The following ADGRV1 variants were observed in gnomAD, a reference collection of about 807,000 sequenced individuals.
ADGRV1 encodes the protein G-protein coupled receptor 98.
Under a neutral mutation model 596.2 loss-of-function variants are expected in ADGRV1, and 359 were observed. The ratio of observed to expected loss-of-function variants is 0.60; its 90% CI spans 0.55 to 0.66. The LOEUF (loss-of-function observed/expected upper bound fraction) is 0.66. Among genes scored for constraint, ADGRV1 ranks in the 30% least tolerant of loss-of-function variants. The probability of loss-of-function intolerance (pLI) is 0.00; values close to 1 mark genes in which losing one functional copy is unlikely to be tolerated. For missense variants in ADGRV1, 7,274 were observed against 7,575.6 expected (o/e 0.96, Z 1.48); for synonymous variants, 2,681 against 2,679.2 (o/e 1.00, Z -0.02).
rs147787954 is a variant in ADGRV1, at chr5:90,767,942, A to G, written c.12285+4473A>G. 4.6e-3 allele frequency among the ~76,000 whole-genome samples: 700 copies of G among 152,330 alleles called. 7 individuals are homozygous for G. The highest frequency in any genetic ancestry group is 0.016 in the African/African-American group (662 of 41,582). Reference sequence around the variant, plus strand: ...TCTGACACATGATGACTCATGAAACATCTAGGTTGTGTGCCCTAGCCATGA... The same window carrying G: ...TCTGACACATGATGACTCATGAAACGTCTAGGTTGTGTGCCCTAGCCATGA... On this transcript the variant is annotated intron_variant, in intron 59 of 89. Transcript: ENST00000405460.
chr5:90,660,779 A>G (rs944563106), intron 21 of ADGRV1, among the ~76,000 whole-genome samples: 3 of 152,214 alleles, frequency 2.0e-5, no homozygotes, highest in African/African-American at 7.2e-5. Context: ...TACCTTTTTC[A>G]TAGATTAATA....
At chr5:90,802,190 G>GT (rs987382650) in intron 70 of ADGRV1, among the ~76,000 whole-genome samples, 23 of 151,858 alleles carry the variant, frequency 1.5e-4, no homozygotes, top group East Asian at 3.9e-4. Context: ...GAAAATTTGT[G>GT]TTTTTTTTGT....
intron 86 of ADGRV1, among the ~76,000 whole-genome samples, chr5:91,089,370 A>G (rs1433982963): frequency 6.6e-6 from 1 of 152,162 alleles, no homozygotes; most frequent in Non-Finnish European, 1.5e-5. Flanking sequence ...ATTAATAGAG[A>G]GTCAAAGGAT....
Position 90,907,539 on chromosome 5 carries a change from T to C in ADGRV1, c.17856+43682T>C, listed in dbSNP as rs560529334. Among the ~76,000 whole-genome samples the C allele has an allele frequency of 5.3e-5, 8 of 151,770 alleles. No individual in the cohort carries two copies. In the East Asian group the frequency reaches 7.8e-4, roughly 15 times the overall value. On this transcript the variant is annotated intron_variant, in intron 83 of 89. Transcript: ENST00000405460. ...CCTTCTTCCTGCCCCACCCCTCATATGTTAGTTTGTCTCATATCTTTTTCC... is the reference window on the plus strand; with the variant it reads ...CCTTCTTCCTGCCCCACCCCTCATACGTTAGTTTGTCTCATATCTTTTTCC...
At chr5:90,759,614 C>T (rs201540382) in intron 58 of ADGRV1, 26 bp downstream of exon 58, 98 of 1,594,556 alleles carry the variant, frequency 6.1e-5, no homozygotes, top group Non-Finnish European at 7.6e-5. Flanking sequence ...CAGGGGAAAG[C>T]CTTGTTTCAG....
chr5:90,559,017 G>A, intron 1 of ADGRV1, 100 bp downstream of exon 1: 1 of 1,128,816 alleles, frequency 8.9e-7, no homozygotes, highest in Non-Finnish European at 1.2e-6. Flanking sequence ...CGAGGGCGGC[G>A]CGGAGGGCGG....
rs1218127072 is a variant in ADGRV1 at position 91,164,178 on chromosome 5, G to A, written c.*278G>A. On this transcript the variant is annotated 3_prime_UTR_variant, in exon 90 of 90. Coordinates refer to ENST00000405460, the MANE Select transcript of ADGRV1 (RefSeq NM_032119.4). ...TTAATCATCCTATATGGCTAACATT[G>A]TTTAATGAAAGTAATAATCAATAAA... The A allele has an allele frequency of 6.7e-6, 3 of 446,812 alleles. No individual in the cohort carries two copies. Among genetic ancestry groups the A allele is most frequent in the Non-Finnish European group, 4.2e-6 (1 of 239,830 alleles). The allele number at this position is 446,812 out of a possible 1,614,324, so 27.7% of individuals were successfully genotyped here.
At chr5:91,156,282 G>A (rs1484075262) in intron 89 of ADGRV1, among the ~76,000 whole-genome samples, 1 of 152,136 alleles carries the variant, frequency 6.6e-6, no homozygotes, top group African/African-American at 2.4e-5. Context: ...GGGAGAAGAA[G>A]GAAGGGAAAC....
rs1487161620 is a variant in ADGRV1 at position 90,643,027 on chromosome 5, G to A, written c.2539G>A (p.Asp847Asn). ...AGTGATCACCTTGCTAGCAAGATTG[G>A]ATGGGATACCAGAGGTATGGGATTT... ...EIVITLLARLDGIPELDEHYW... is the reference protein window; with the variant it reads ...EIVITLLARLNGIPELDEHYW... The change falls in exon 13 of 90, where the codon GAT (aspartate) becomes AAT (asparagine). Residue 847 changes from aspartate (D) to asparagine (N), a missense_variant. By Grantham distance (23) the Asp-to-Asn change is conservative. Coordinates refer to ENST00000405460, the MANE Select transcript of ADGRV1 (RefSeq NM_032119.4). 1.2e-6 allele frequency: 2 copies of A among 1,612,760 alleles called. No homozygotes were observed. The highest frequency in any genetic ancestry group is 8.5e-7 in the Non-Finnish European group (1 of 1,178,968).
At position 90,778,916 on chromosome 5, in the gene ADGRV1, T is replaced by C. The variant is rs1278170025; in HGVS notation, c.12901T>C (p.Trp4301Arg). 3.7e-6 allele frequency: 6 copies of C among 1,613,464 alleles called. No individual in the cohort carries two copies. Among genetic ancestry groups the C allele is most frequent in the Non-Finnish European group, 4.2e-6 (5 of 1,179,518 alleles). Residue 4301 changes from tryptophan (W) to arginine (R), a missense_variant, in exon 64 of 90, where the codon TGG becomes CGG. Trp to Arg is a moderately radical substitution (Grantham distance 101, BLOSUM62 -3). This residue lies in a region of ADGRV1 where 3,643 missense variants were observed against 3,809.2 expected (regional missense o/e 0.96). Coordinates refer to ENST00000405460, the MANE Select transcript of ADGRV1 (RefSeq NM_032119.4). ...SSGDFGHVRL[W>R]YKTMSGTAEA... Reference sequence around the variant, plus strand: ...TGGAGATTTTGGCCATGTGCGACTCTGGTACAAGACGATGAGCGGGACAGC... The same window carrying C: ...TGGAGATTTTGGCCATGTGCGACTCCGGTACAAGACGATGAGCGGGACAGC...
At chr5:90,848,589 G>T in intron 78 of ADGRV1, 48 bp from the exon 79 acceptor site, 4 of 1,114,052 alleles carry the variant, frequency 3.6e-6, no homozygotes, top group Non-Finnish European at 4.8e-6. Context: ...TATAATTTAA[G>T]AAATTTATTT....
intron 78 of ADGRV1, among the ~76,000 whole-genome samples, chr5:90,845,040 T>C (rs894469323): frequency 1.1e-4 from 16 of 152,224 alleles, no homozygotes; most frequent in Admixed American, 2.6e-4. Context: ...TTTTACTGGC[T>C]GGTTTTGTAT....
intron 73 of ADGRV1, among the ~76,000 whole-genome samples, chr5:90,809,157 T>C (rs943299750): frequency 3.3e-5 from 5 of 151,616 alleles, no homozygotes; most frequent in Admixed American, 2.0e-4. Flanking sequence ...GGGGTTTCAC[T>C]GTGTTAGCCA....
intron 1 of ADGRV1, among the ~76,000 whole-genome samples, chr5:90,567,950 C>T (rs1445382404): frequency 1.3e-5 from 2 of 151,966 alleles, no homozygotes; most frequent in Non-Finnish European, 2.9e-5. Context: ...TGTTGGCCAG[C>T]TGGTCTCAAA....
chr5:90,930,005 A>G (rs1480533732), intron 83 of ADGRV1, among the ~76,000 whole-genome samples: 2 of 152,202 alleles, frequency 1.3e-5, no homozygotes, highest in Non-Finnish European at 2.9e-5. Context: ...GCCAGTCTAT[A>G]TTTAAAATAG....
chr5:90,799,787 A>T (rs1475827488), intron 70 of ADGRV1, among the ~76,000 whole-genome samples: 1 of 152,170 alleles, frequency 6.6e-6, no homozygotes, highest in Non-Finnish European at 1.5e-5. Flanking sequence ...ATCTACAACC[A>T]TCTGATCTTT....
chr5:90,797,913 G>A (rs981733032), intron 70 of ADGRV1, among the ~76,000 whole-genome samples: 1 of 152,046 alleles, frequency 6.6e-6, no homozygotes, highest in Non-Finnish European at 1.5e-5. Context: ...AGAATCTCTG[G>A]GACACAGCTA....
chr5:91,110,043 T>C (rs1250405225), intron 87 of ADGRV1, among the ~76,000 whole-genome samples: 2 of 152,224 alleles, frequency 1.3e-5, no homozygotes, highest in Non-Finnish European at 2.9e-5. Flanking sequence ...TATAACCAAA[T>C]GTCTCTATAT....
chr5:90,952,358 A>G (rs1003518816), intron 83 of ADGRV1, among the ~76,000 whole-genome samples: 3 of 152,148 alleles, frequency 2.0e-5, no homozygotes, highest in Admixed American at 6.6e-5. Flanking sequence ...TGATCAGCCA[A>G]TTGTGGAATA....
Sources: gnomAD v4.1 joint callset for allele counts (sites outside exome capture counted in the v4.1 genomes callset) on GRCh38, gnomAD v4.1.1 for gene constraint, gnomAD v4.1.1 regional missense constraint, MANE v1.5 for transcripts, NCBI Gene and HGNC (gene_info 2026-07-23, HGNC 2026-07-21) for gene names.